VPS13C: variants seen among roughly 807,000 people sequenced by gnomAD.
The protein encoded by VPS13C is vacuolar protein sorting 13 homolog C.
A neutral mutation model predicts 456.8 loss-of-function variants in VPS13C; 358 were observed. The ratio of observed to expected loss-of-function variants is 0.78; its 90% CI spans 0.72 to 0.86. VPS13C has a LOEUF of 0.86. VPS13C is among the 40% of genes least tolerant of loss of function. VPS13C has a pLI of 0.00. For missense variants in VPS13C, 4,818 were observed against 4,385.4 expected (o/e 1.10, Z -2.79); for synonymous variants, 1,578 against 1,486.7 (o/e 1.06, Z -1.41).
rs369599069 is a variant in VPS13C at position 61,913,386 on chromosome 15, C to G, written c.8475G>C (p.Trp2825Cys). The change falls in exon 62 of 85, where the codon TGG becomes TGC. Residue 2825 changes from tryptophan (W) to cysteine (C), a missense_variant. Physicochemically the swap from Trp to Cys is radical, Grantham distance 215. This residue lies in a region of VPS13C where 4,552 missense variants were observed against 4,130.6 expected (regional missense o/e 1.10). Transcript: ENST00000644861. ...CTGTATCCAATGAGAAACTACTGGACCAGGCACTGGTTGAAATTTTTAATT... is the reference window on the plus strand; with the variant it reads ...CTGTATCCAATGAGAAACTACTGGAGCAGGCACTGGTTGAAATTTTTAATT... ...KVQLKISTSA[W>C]SSSFSLDTVG... The G allele has an allele frequency of 6.2e-7, 1 of 1,614,006 alleles. No homozygotes were observed. The highest frequency in any genetic ancestry group is 8.5e-7 in the Non-Finnish European group (1 of 1,179,940).
intron 3 of VPS13C, among the ~76,000 whole-genome samples, chr15:62,036,694 C>A (rs1035659432): frequency 1.3e-5 from 2 of 152,006 alleles, no homozygotes; most frequent in Admixed American, 1.3e-4. Context: ...CTTTAACTAG[C>A]ATACAGAAAG....
chr15:61,926,735 T>C (rs762806604), intron 52 of VPS13C, among the ~76,000 whole-genome samples: 1 of 152,238 alleles, frequency 6.6e-6, no homozygotes, highest in Non-Finnish European at 1.5e-5. Flanking sequence ...GTGACTCCAA[T>C]TTAATTTTTT....
At chr15:61,931,316 T>A in intron 49 of VPS13C, 57 bp from the exon 50 acceptor site, 2 of 1,458,104 alleles carry the variant, frequency 1.4e-6, no homozygotes, top group Non-Finnish European at 1.8e-6. Context: ...ATATAATTAC[T>A]TTTAAACATA....
At chr15:61,956,347 G>A (rs1381793990) in intron 37 of VPS13C, among the ~76,000 whole-genome samples, 3 of 151,752 alleles carry the variant, frequency 2.0e-5, no homozygotes, top group Non-Finnish European at 4.4e-5. Context: ...GGGGACTGGG[G>A]GAGGGCTGAA....
At chr15:61,866,320 AT>A in intron 81 of VPS13C, 4 of 983,690 alleles carry the variant, frequency 4.1e-6, no homozygotes, top group Non-Finnish European at 4.8e-6. Context: ...ATCAGACAAG[AT>A]TATATGTTCA....
Position 61,880,899 on chromosome 15 carries a change from C to T in VPS13C, c.9832G>A (p.Gly3278Arg), listed in dbSNP as rs1241417518. 1 of 1,610,500 alleles carries T rather than the reference C, an allele frequency of 6.2e-7. No homozygotes were observed. The highest frequency in any genetic ancestry group is 1.1e-5 in the South Asian group (1 of 90,268). ...MALKIDQGFLGAIIALFTPTT... is the reference protein window; with the variant it reads ...MALKIDQGFLRAIIALFTPTT... ...GGGGTAAACAGTGCAATAATAGCTC[C>T]TAGAAACCCTTGATCAATTTTTAAG... Residue 3278 changes from glycine (G) to arginine (R), a missense_variant, in exon 72 of 85, where the codon GGA becomes AGA. Coordinates refer to ENST00000644861, the MANE Select transcript of VPS13C (RefSeq NM_020821.3).
chr15:62,046,359 C>T (rs760269796), intron 1 of VPS13C, among the ~76,000 whole-genome samples: 1 of 152,066 alleles, frequency 6.6e-6, no homozygotes, highest in Non-Finnish European at 1.5e-5. Context: ...GGAAGACTAG[C>T]ATGTTCAGCA....
At chr15:61,959,665 A>C in intron 35 of VPS13C, 70 bp from the exon 36 acceptor site, 3 of 1,503,880 alleles carry the variant, frequency 2.0e-6, no homozygotes, top group Non-Finnish European at 2.7e-6. Flanking sequence ...AAAAAAAGCA[A>C]AGTCAAGCAG....
chr15:61,920,273 A>T lies in VPS13C; in HGVS notation c.7271T>A (p.Phe2424Tyr). 1 of 1,613,382 alleles carries T rather than the reference A, an allele frequency of 6.2e-7. No individual in the cohort carries two copies. The highest frequency in any genetic ancestry group is 8.5e-7 in the Non-Finnish European group (1 of 1,179,480). ...AACACCTACAGCATTTTTTACCGTAAAAGGAGCTCTGTCCTTTAAAGAGTA... is the reference window on the plus strand; with the variant it reads ...AACACCTACAGCATTTTTTACCGTATAAGGAGCTCTGTCCTTTAAAGAGTA... ...FDYSLKDRAP[F>Y]TVKNAVGVPI... The change falls in exon 57 of 85, where the codon TTT becomes TAT. Residue 2424 changes from phenylalanine to tyrosine, a missense_variant. Phe to Tyr is a conservative substitution (Grantham distance 22). Around this residue, in one of 3 missense-constraint regions of VPS13C, gnomAD observed 4,552 missense variants for 4,130.6 expected, o/e 1.10. Coordinates refer to ENST00000644861, the MANE Select transcript of VPS13C (RefSeq NM_020821.3).
At chr15:62,029,071 T>C (rs888201695) in intron 5 of VPS13C, among the ~76,000 whole-genome samples, 1 of 152,080 alleles carries the variant, frequency 6.6e-6, no homozygotes, top group Non-Finnish European at 1.5e-5. Context: ...AAAGTTCACA[T>C]TGTACAGGGT....
chr15:61,945,621 C>T, intron 45 of VPS13C, 94 bp downstream of exon 45: 1 of 988,706 alleles, frequency 1.0e-6, no homozygotes, highest in South Asian at 2.0e-5. Context: ...CATCACACAG[C>T]CTTATCAGTG....
At chr15:61,961,232 T>TA (rs1567049046) in intron 35 of VPS13C, among the ~76,000 whole-genome samples, 5 of 146,532 alleles carry the variant, frequency 3.4e-5, no homozygotes, top group Non-Finnish European at 6.0e-5. Context: ...CTATTAAAAA[T>TA]ACAAAAAAAA....
intron 18 of VPS13C, among the ~76,000 whole-genome samples, chr15:61,990,529 G>A (rs2046192054): frequency 6.6e-6 from 1 of 152,066 alleles, no homozygotes; most frequent in African/African-American, 2.4e-5. Context: ...TAAAGTTGGA[G>A]GCTGGGCACG....
chr15:61,991,881 A>C (rs2046234867), intron 16 of VPS13C, 79 bp from the exon 17 acceptor site: 1 of 1,455,956 alleles, frequency 6.9e-7, no homozygotes, highest in Non-Finnish European at 9.2e-7. Flanking sequence ...AAAAAAAAAC[A>C]ATGGTTCTTT....
rs2046940731 is a variant in VPS13C, at chr15:62,008,748, A to G, written c.1025T>C (p.Ile342Thr). ...ELTKPQYLSM[I>T]DLLESVDYMV... ...ATAATCCACTGACTCCAAAAGGTCA[A>G]TCATACTTAAGTACTGTTAAAACAA... Residue 342 changes from isoleucine (I) to threonine (T), a missense_variant, in exon 14 of 85, where the codon ATT (isoleucine) becomes ACT (threonine). This residue lies in a region of VPS13C where 4,552 missense variants were observed against 4,130.6 expected (regional missense o/e 1.10). Coordinates refer to ENST00000644861, the MANE Select transcript of VPS13C (RefSeq NM_020821.3). 1.3e-6 allele frequency: 2 copies of G among 1,599,882 alleles called. No individual in the cohort carries two copies. Among genetic ancestry groups the G allele is most frequent in the Non-Finnish European group, 1.7e-6 (2 of 1,172,194 alleles).
At chr15:61,914,230 C>A (rs1203175280) in intron 61 of VPS13C, among the ~76,000 whole-genome samples, 1 of 152,084 alleles carries the variant, frequency 6.6e-6, no homozygotes, top group Non-Finnish European at 1.5e-5. Flanking sequence ...ATACCCAGAC[C>A]TACTGAATCA....
Position 61,939,909 on chromosome 15 carries a change from G to A in VPS13C, c.5601+738C>T, listed in dbSNP as rs187912225. 4.0e-3 allele frequency among the ~76,000 whole-genome samples: 601 copies of A among 151,458 alleles called. 2 individuals carry two copies. The highest frequency in any genetic ancestry group is 0.013 in the African/African-American group (555 of 41,218). Reference sequence around the variant, plus strand: ...CTCAGGAGGCTGAGGCAGGAGAATCGCTTGAACCCAGCTAGTGGAGGTCAC... The same window carrying A: ...CTCAGGAGGCTGAGGCAGGAGAATCACTTGAACCCAGCTAGTGGAGGTCAC... On this transcript the variant is annotated intron_variant, in intron 47 of 84. Coordinates refer to ENST00000644861, the MANE Select transcript of VPS13C (RefSeq NM_020821.3).
At chr15:62,008,265 G>A (rs1238709946) in intron 14 of VPS13C, among the ~76,000 whole-genome samples, 2 of 151,734 alleles carry the variant, frequency 1.3e-5, no homozygotes, top group Non-Finnish European at 2.9e-5. Flanking sequence ...GCTGGGCGTG[G>A]TTGCACACCC....
intron 26 of VPS13C, 83 bp downstream of exon 26, chr15:61,973,371 G>T: frequency 8.9e-7 from 1 of 1,126,886 alleles, no homozygotes; most frequent in Non-Finnish European, 1.3e-6. Flanking sequence ...CTTTCAGACT[G>T]CCCTTATTTT....
Sources: allele counts gnomAD v4.1 joint callset (sites outside exome capture counted in the v4.1 genomes callset), GRCh38; gene constraint gnomAD v4.1.1; regional missense constraint gnomAD v4.1.1; transcripts MANE v1.5; gene names NCBI Gene and HGNC (gene_info 2026-07-23, HGNC 2026-07-21).